The following MIPEP variants were observed in gnomAD, a reference collection of about 807,000 sequenced individuals.
MIPEP encodes mitochondrial intermediate peptidase.
In MIPEP, 79 loss-of-function variants were observed where a neutral mutation model predicts 90.3. The observed-to-expected ratio is 0.87, with a 90% confidence interval of 0.73 to 1.05. The LOEUF is 1.05. MIPEP is among the 50% of genes least tolerant of loss of function. MIPEP has a pLI of 0.00. For missense variants in MIPEP, 940 were observed against 905.6 expected (o/e 1.04, Z -0.49); for synonymous variants, 334 against 315.8 (o/e 1.06, Z -0.61).
At chr13:23,806,930 G>A (rs933880321) in intron 15 of MIPEP, among the ~76,000 whole-genome samples, 1 of 152,136 alleles carries the variant, frequency 6.6e-6, no homozygotes, top group Non-Finnish European at 1.5e-5. Context: ...TAGGTGTGGT[G>A]GGGGTAGAGA....
At chr13:23,745,764 C>T (rs907269507) in intron 18 of MIPEP, among the ~76,000 whole-genome samples, 1 of 151,616 alleles carries the variant, frequency 6.6e-6, no homozygotes, top group Non-Finnish European at 1.5e-5. Flanking sequence ...CCCATCTCTG[C>T]GAAAAATAAA....
chr13:23,869,969 A>G (rs747449665), intron 6 of MIPEP, 44 bp downstream of exon 6: 1 of 1,463,766 alleles, frequency 6.8e-7, no homozygotes, highest in South Asian at 1.5e-5. Flanking sequence ...CAGTAGCAAC[A>G]CACAAATGGG....
chr13:23,822,557 C>T (rs1198433765), intron 14 of MIPEP, among the ~76,000 whole-genome samples: 1 of 152,184 alleles, frequency 6.6e-6, no homozygotes, highest in Non-Finnish European at 1.5e-5. Context: ...GACTGTGAGA[C>T]ACAATCAGCC....
intron 14 of MIPEP, among the ~76,000 whole-genome samples, chr13:23,834,562 TC>T (rs1453654408): frequency 6.6e-6 from 1 of 152,246 alleles, no homozygotes; most frequent in Non-Finnish European, 1.5e-5. Context: ...ATATTAAAAC[TC>T]AGCAAGTGTT....
chr13:23,748,997 G>C (rs1470798590), intron 18 of MIPEP, among the ~76,000 whole-genome samples: 1 of 152,196 alleles, frequency 6.6e-6, no homozygotes, highest in East Asian at 1.9e-4. Flanking sequence ...CTACAGTGCT[G>C]GGCACACCAG....
chr13:23,760,340 A>G (rs1952528786), intron 16 of MIPEP, 123 bp from the exon 17 acceptor site: 1 of 1,256,468 alleles, frequency 8.0e-7, no homozygotes, highest in Non-Finnish European at 1.2e-6. Flanking sequence ...ATTTTACCCT[A>G]GAAGGCTACG....
intron 14 of MIPEP, among the ~76,000 whole-genome samples, chr13:23,815,117 C>T (rs1037214815): frequency 3.9e-5 from 6 of 152,220 alleles, no homozygotes; most frequent in African/African-American, 1.4e-4. Flanking sequence ...TTTACTACTA[C>T]TGCTGCACTA....
At position 23,881,796 on chromosome 13, in the gene MIPEP, G is replaced by C. The variant is rs780919716; in HGVS notation, c.364-9C>G. On this transcript the variant is annotated splice_polypyrimidine_tract_variant and intron_variant, in intron 2 of 18. Transcript: ENST00000382172. ...ATTTTCACAAAATCAGCCTAATAAA[G>C]GGGAAAGACAAAACCAAAAGGGAAT... The C allele has an allele frequency of 6.2e-7, 1 of 1,608,626 alleles. No homozygotes were observed. Among genetic ancestry groups the C allele is most frequent in the East Asian group, 2.2e-5 (1 of 44,842 alleles).
Position 23,730,431 on chromosome 13 carries a change from A to G in MIPEP, c.2059T>C (p.Cys687Arg). The G allele has an allele frequency of 6.2e-7, 1 of 1,610,522 alleles. No homozygotes were observed. Among genetic ancestry groups the G allele is most frequent in the Non-Finnish European group, 8.5e-7 (1 of 1,177,374 alleles). Reference sequence around the variant, plus strand: ...CTTACGAAGTCATCAACAGAAGGACACTTCTGAAGCATACCTGCAAACAAA... The same window carrying G: ...CTTACGAAGTCATCAACAGAAGGACGCTTCTGAAGCATACCTGCAAACAAA... ...MLMVEGMLQK[C>R]PSVDDFVSAL... The change falls in exon 19 of 19, where the codon TGT becomes CGT. Residue 687 changes from cysteine to arginine, a missense_variant. Cys to Arg is a radical substitution (Grantham distance 180). Coordinates refer to ENST00000382172, the MANE Select transcript of MIPEP (RefSeq NM_005932.4).
In MIPEP at chr13:23,730,335, T is replaced by C; in HGVS notation, c.*13A>G. 1 of 1,556,552 alleles carries C rather than the reference T, an allele frequency of 6.4e-7. No individual in the cohort carries two copies. Among genetic ancestry groups the C allele is most frequent in the Non-Finnish European group, 8.8e-7 (1 of 1,130,446 alleles). On this transcript the variant is annotated 3_prime_UTR_variant, in exon 19 of 19. Transcript: ENST00000382172. ...CTACATGACCTTGATTTAAGAGGTG[T>C]AGAGTGTTTCTTTTATTCAGAATCC... is the stretch of plus-strand genomic sequence containing the variant.
In MIPEP at chr13:23,873,195, C is replaced by T. The variant is rs545071957; in HGVS notation, c.603+1651G>A. 7.9e-5 allele frequency among the ~76,000 whole-genome samples: 12 copies of T among 152,264 alleles called. No individual in the cohort carries two copies. The South Asian group carries it at 2.5e-3, about 32-fold the overall frequency. On this transcript the variant is annotated intron_variant, in intron 5 of 18. Transcript: ENST00000382172. The stretch of plus-strand genomic sequence containing the variant: ...AGCCAGGGAAACCTGGTGAGCAGGC[C>T]TAGGAGGAGGACAGCAAACACATGG...
chr13:23,774,032 T>G (rs1281878846), intron 16 of MIPEP, among the ~76,000 whole-genome samples: 1 of 152,192 alleles, frequency 6.6e-6, no homozygotes, highest in African/African-American at 2.4e-5. Flanking sequence ...TAATCCTATG[T>G]TTTCTTCTAG....
intron 1 of MIPEP, chr13:23,888,034 C>CTT: frequency 5.6e-5 from 19 of 338,500 alleles, no homozygotes; most frequent in South Asian, 1.2e-4. Context: ...CTGAATAAGG[C>CTT]TTTTTTTTTT....
At chr13:23,753,572 C>T (rs1355412086) in intron 18 of MIPEP, among the ~76,000 whole-genome samples, 1 of 152,096 alleles carries the variant, frequency 6.6e-6, no homozygotes, top group African/African-American at 2.4e-5. Flanking sequence ...ACCTTGCAGC[C>T]AAGAGTTAGA....
chr13:23,847,731 A>G (rs927060383), intron 10 of MIPEP, among the ~76,000 whole-genome samples: 2 of 152,206 alleles, frequency 1.3e-5, no homozygotes, highest in African/African-American at 2.4e-5. Flanking sequence ...GTGTTGTAAG[A>G]TAAGAGATAT....
At chr13:23,882,290 T>C (rs1368769927) in intron 2 of MIPEP, among the ~76,000 whole-genome samples, 1 of 152,146 alleles carries the variant, frequency 6.6e-6, no homozygotes, top group Non-Finnish European at 1.5e-5. Flanking sequence ...ACTTTCTGGC[T>C]AAAATTCTTT....
chr13:23,831,386 G>GGAGGGGC (rs1555237547), intron 14 of MIPEP, among the ~76,000 whole-genome samples: 5 of 69,460 alleles, frequency 7.2e-5, no homozygotes, highest in South Asian at 8.9e-4. Context: ...CCCATGGCGG[G>GGAGGGGC]GGGGGGATGT....
At chr13:23,830,008 A>C (rs1013538219) in intron 14 of MIPEP, among the ~76,000 whole-genome samples, 1 of 152,244 alleles carries the variant, frequency 6.6e-6, no homozygotes, top group Non-Finnish European at 1.5e-5. Flanking sequence ...AGGAGTATAA[A>C]TTAGCAGAAA....
At chr13:23,860,769 C>T (rs544041167) in intron 9 of MIPEP, among the ~76,000 whole-genome samples, 32 of 152,272 alleles carry the variant, frequency 2.1e-4, no homozygotes, top group African/African-American at 5.3e-4. Context: ...GAATCCAAGA[C>T]GGCTTCGAGT....
Sources: gnomAD v4.1 joint callset for allele counts (sites outside exome capture counted in the v4.1 genomes callset) on GRCh38, gnomAD v4.1.1 for gene constraint, MANE v1.5 for transcripts, NCBI Gene and HGNC (gene_info 2026-07-23, HGNC 2026-07-21) for gene names.